FRS2: variants seen among roughly 807,000 people sequenced by gnomAD.
FRS2 encodes FGFR signalling adaptor.
Under a neutral mutation model 43.9 loss-of-function variants are expected in FRS2, and 8 were observed. The observed-to-expected ratio is 0.18, with a 90% CI of 0.11 to 0.33. The LOEUF is 0.33. Among genes scored for constraint, FRS2 ranks in the 10% least tolerant of loss-of-function variants. The pLI, the probability that FRS2 is intolerant of heterozygous loss-of-function variation, is 1.00. For missense variants in FRS2, 534 were observed against 627.6 expected, an observed-to-expected ratio of 0.85 and a Z score of 1.59; for synonymous variants, 219 against 220.3, an observed-to-expected ratio of 0.99 and a Z score of 0.05.
At position 69,568,929 on chromosome 12, in the gene FRS2, A is replaced by T. The variant is rs1180117290; in HGVS notation, c.-26-76A>T. 5 of 656,566 alleles carry T rather than the reference A, an allele frequency of 7.6e-6. No homozygotes were observed. In the East Asian group the frequency reaches 1.2e-4, roughly 15 times the overall value. The allele number at this position is 656,566 out of a possible 1,614,324, so 40.7% of individuals were successfully genotyped here. A position where few individuals can be genotyped will look rare whatever the true frequency, so the allele number is the denominator to read the frequency against. On this transcript the variant is annotated intron_variant, in intron 4 of 8. Transcript: ENST00000549921. ...ATCAGAATAATGTTTGTGTTAGATG[A>T]TTTCTAAAGTCTTTTTCTGTTTACA...
chr12:69,486,016 G>A (rs1168777622), intron 1 of FRS2, among the ~76,000 whole-genome samples: 1 of 152,054 alleles, frequency 6.6e-6, no homozygotes, highest in East Asian at 1.9e-4. Flanking sequence ...TTTGTAGATG[G>A]GTACTTTGAT....
chr12:69,507,545 A>G (rs944907088), intron 1 of FRS2, among the ~76,000 whole-genome samples: 4 of 152,228 alleles, frequency 2.6e-5, no homozygotes, highest in Non-Finnish European at 5.9e-5. Context: ...TTTTCTCTTC[A>G]TATGAAAAGA....
intron 1 of FRS2, among the ~76,000 whole-genome samples, chr12:69,524,253 C>CA (rs1017986055): frequency 1.3e-5 from 2 of 152,068 alleles, no homozygotes; most frequent in Non-Finnish European, 2.9e-5. Context: ...GGGGTGCACT[C>CA]ACGGCAGCAG....
At chr12:69,509,686 T>A (rs1202350266) in intron 1 of FRS2, among the ~76,000 whole-genome samples, 3 of 152,162 alleles carry the variant, frequency 2.0e-5, no homozygotes, top group Non-Finnish European at 4.4e-5. Flanking sequence ...CAGGTTTAGG[T>A]TTCAACTTTC....
chr12:69,518,169 G>A (rs532730117), intron 1 of FRS2, among the ~76,000 whole-genome samples: 1 of 152,286 alleles, frequency 6.6e-6, no homozygotes, highest in South Asian at 2.1e-4. Flanking sequence ...TGGATTTATT[G>A]AAGACCTCTT....
intron 1 of FRS2, among the ~76,000 whole-genome samples, chr12:69,482,797 A>G (rs958684514): frequency 2.6e-5 from 4 of 152,366 alleles, no homozygotes; most frequent in African/African-American, 2.4e-5. Flanking sequence ...TCAGTTAAGC[A>G]TGTTCTGAAA....
chr12:69,483,156 A>G (rs577105110), intron 1 of FRS2, among the ~76,000 whole-genome samples: 42 of 152,316 alleles, frequency 2.8e-4, no homozygotes, highest in Non-Finnish European at 4.9e-4. Flanking sequence ...ACATCAATAC[A>G]TTACTGTTAA....
chr12:69,473,928 C>T (rs1449309712), intron 1 of FRS2, among the ~76,000 whole-genome samples: 2 of 152,050 alleles, frequency 1.3e-5, no homozygotes, highest in Non-Finnish European at 2.9e-5. Context: ...CTGCAACCTC[C>T]GCCTCCTGGG....
chr12:69,568,372 G>T (rs1476440826), intron 4 of FRS2, among the ~76,000 whole-genome samples: 1 of 152,184 alleles, frequency 6.6e-6, no homozygotes, highest in Non-Finnish European at 1.5e-5. Flanking sequence ...CAAGCCAGAA[G>T]TTCACCATCC....
At position 69,574,304 on chromosome 12, in the gene FRS2, T is replaced by C. The variant is rs775429208; in HGVS notation, c.876T>C (p.Ser292=). 2 of 1,614,182 alleles carry C rather than the reference T, an allele frequency of 1.2e-6. No individual in the cohort carries two copies. Among genetic ancestry groups the C allele is most frequent in the South Asian group, 1.1e-5 (1 of 91,086 alleles). The change falls in exon 9 of 9, where the codon AGT becomes AGC. Residue 292 remains serine, a synonymous_variant. Transcript: ENST00000549921. The part of the protein sequence containing the change: ...NNTEWDTGYD[S]DERRDAPSVN... ...CAGAATGGGACACTGGCTATGACAG[T>C]GATGAACGAAGAGATGCACCCTCTG... is the stretch of plus-strand genomic sequence containing the variant.
Position 69,579,113 on chromosome 12 carries a change from C to CT in FRS2, c.*4159dup, listed in dbSNP as rs1881387911. ...TCTATCCCTTCCCACCCTTTGTTCT[C>CT]TATTTCTCCCTATCAGTGCCAACTT... On this transcript the variant is annotated 3_prime_UTR_variant, in exon 9 of 9. Transcript: ENST00000549921. 6.6e-6 allele frequency: 1 copy of CT among 152,642 alleles called. No individual in the cohort carries two copies. Among genetic ancestry groups the CT allele is most frequent in the Non-Finnish European group, 1.5e-5 (1 of 68,040 alleles). 9.5% of individuals were successfully genotyped at this position (152,642 alleles called of 1,614,324 possible). A position where few individuals can be genotyped will look rare whatever the true frequency, so the allele number is the denominator to read the frequency against.
At chr12:69,532,301 C>T (rs927286195) in intron 3 of FRS2, among the ~76,000 whole-genome samples, 4 of 152,170 alleles carry the variant, frequency 2.6e-5, no homozygotes, top group Admixed American at 2.0e-4. Flanking sequence ...AATACTGCTT[C>T]TCATGGTCAG....
chr12:69,481,782 T>G (rs1036918934), intron 1 of FRS2, among the ~76,000 whole-genome samples: 8 of 152,188 alleles, frequency 5.3e-5, no homozygotes, highest in Non-Finnish European at 1.0e-4. Flanking sequence ...TTGATCTGAT[T>G]AGCTTTTTGA....
At chr12:69,474,144 G>T (rs1322765975) in intron 1 of FRS2, among the ~76,000 whole-genome samples, 2 of 152,126 alleles carry the variant, frequency 1.3e-5, no homozygotes, top group Non-Finnish European at 2.9e-5. Flanking sequence ...CCCAGCTGAA[G>T]ATTACACTTT....
chr12:69,480,543 A>G (rs1267875324), intron 1 of FRS2, among the ~76,000 whole-genome samples: 3 of 152,172 alleles, frequency 2.0e-5, no homozygotes, highest in Non-Finnish European at 4.4e-5. Context: ...ATAGCACACT[A>G]CAACCTCAAA....
chr12:69,512,326 G>A (rs1292072400), intron 1 of FRS2, among the ~76,000 whole-genome samples: 2 of 152,092 alleles, frequency 1.3e-5, no homozygotes, highest in Non-Finnish European at 2.9e-5. Flanking sequence ...CTAGCCTTAG[G>A]ACCTTTTTAG....
chr12:69,567,844 GGGAGAGTCTA>G (rs1880426265), intron 4 of FRS2, among the ~76,000 whole-genome samples: 2 of 152,082 alleles, frequency 1.3e-5, no homozygotes, highest in Admixed American at 1.3e-4. Context: ...ACAGAAAGCA[GGGAGAGTCTA>G]GACTGGATCT....
rs200678354 is a variant in FRS2, at chr12:69,570,389, A to G, written c.125A>G (p.Asp42Gly). 5.0e-6 allele frequency: 8 copies of G among 1,613,668 alleles called. No homozygotes were observed. The highest frequency in any genetic ancestry group is 1.3e-5 in the African/African-American group (1 of 74,938). ...ELGSGIMELT[D>G]TELILYTRKR... ...GGTTCTGGCATAATGGAACTTACAG[A>G]CACAGAACTGATTTTATACACCCGC... Residue 42 changes from aspartate (D) to glycine (G), a missense_variant, in exon 6 of 9, where the codon GAC becomes GGC. Around this residue, in one of 3 missense-constraint regions of FRS2, gnomAD observed 76 missense variants for 90.5 expected, o/e 0.84. Coordinates refer to ENST00000549921, the MANE Select transcript of FRS2 (RefSeq NM_001278356.2).
intron 1 of FRS2, among the ~76,000 whole-genome samples, chr12:69,478,482 T>G (rs1871046862): frequency 6.6e-6 from 1 of 152,136 alleles, no homozygotes; most frequent in Admixed American, 6.5e-5. Context: ...TCTATAAGGT[T>G]AGGAAGACGA....
Sources: allele counts gnomAD v4.1 joint callset (sites outside exome capture counted in the v4.1 genomes callset), GRCh38; gene constraint gnomAD v4.1.1; regional missense constraint gnomAD v4.1.1; transcripts MANE v1.5; gene names NCBI Gene and HGNC (gene_info 2026-07-23, HGNC 2026-07-21).